The following OLA1 variants were observed in gnomAD, a reference collection of about 807,000 sequenced individuals.
OLA1 encodes obg-like ATPase 1.
In OLA1, 14 loss-of-function variants were observed where a neutral mutation model predicts 48.4. The ratio of observed to expected loss-of-function variants is 0.29; its 90% CI spans 0.19 to 0.45. The LOEUF (loss-of-function observed/expected upper bound fraction) is 0.45. OLA1 is among the 20% of genes least tolerant of loss of function. The pLI is 1.00. For synonymous variants in OLA1, 127 were observed against 150.4 expected (o/e 0.84, Z 1.14); for missense variants, 325 against 467.1 (o/e 0.70, Z 2.80).
intron 4 of OLA1, among the ~76,000 whole-genome samples, chr2:174,178,436 T>TAA (rs2105411655): frequency 6.6e-6 from 1 of 152,056 alleles, no homozygotes; most frequent in South Asian, 2.1e-4. Flanking sequence ...AGGAACACTA[T>TAA]AAATAATCAC....
chr2:174,237,765 A>T (rs560291363), intron 2 of OLA1, among the ~76,000 whole-genome samples: 13 of 152,316 alleles, frequency 8.5e-5, no homozygotes, highest in Non-Finnish European at 1.0e-4. Context: ...AAAAACAAAC[A>T]AACAAAAATT....
chr2:174,177,494 C>T (rs751011986), intron 4 of OLA1, among the ~76,000 whole-genome samples: 1 of 152,088 alleles, frequency 6.6e-6, no homozygotes, highest in Admixed American at 6.6e-5. Flanking sequence ...GAAAACATAC[C>T]ATGTGCCATT....
chr2:174,244,756 C>G (rs780696009), intron 2 of OLA1, among the ~76,000 whole-genome samples: 5 of 152,070 alleles, frequency 3.3e-5, no homozygotes, highest in African/African-American at 4.8e-5. Flanking sequence ...TCCCGAGTAT[C>G]TGGAATTACA....
chr2:174,082,852 A>G (rs1320510611), intron 7 of OLA1, among the ~76,000 whole-genome samples: 1 of 152,112 alleles, frequency 6.6e-6, no homozygotes, highest in Non-Finnish European at 1.5e-5. Context: ...TAGAACATAA[A>G]TGAAATAAGT....
intron 5 of OLA1, among the ~76,000 whole-genome samples, chr2:174,140,498 G>A (rs1389322469): frequency 6.6e-6 from 1 of 151,902 alleles, no homozygotes. Context: ...CTCCTCAGTA[G>A]GTGAGATTAC....
chr2:174,107,911 GGT>G (rs1558957061), intron 7 of OLA1, among the ~76,000 whole-genome samples: 1 of 151,966 alleles, frequency 6.6e-6, no homozygotes, highest in Non-Finnish European at 1.5e-5. Context: ...AAAAAAGGGA[GGT>G]GTTTTAAAGA....
intron 4 of OLA1, among the ~76,000 whole-genome samples, chr2:174,215,654 T>C (rs1306838181): frequency 6.6e-6 from 1 of 152,208 alleles, no homozygotes; most frequent in Non-Finnish European, 1.5e-5. Flanking sequence ...TACAACTCTA[T>C]TATAAAAAGT....
chr2:174,126,387 T>A (rs532411501), intron 5 of OLA1, among the ~76,000 whole-genome samples: 1 of 152,284 alleles, frequency 6.6e-6, no homozygotes, highest in Admixed American at 6.5e-5. Flanking sequence ...GGTTCCATAT[T>A]TCTTTACTAT....
At chr2:174,110,638 G>T (rs898692418) in intron 7 of OLA1, among the ~76,000 whole-genome samples, 1 of 151,856 alleles carries the variant, frequency 6.6e-6, no homozygotes, top group Non-Finnish European at 1.5e-5. Context: ...GTAGAGGCAG[G>T]GTCCCACTAT....
chr2:174,115,704 A>G (rs923216758), intron 7 of OLA1, among the ~76,000 whole-genome samples: 1 of 152,078 alleles, frequency 6.6e-6, no homozygotes, highest in Admixed American at 6.6e-5. Context: ...GCTACCTCAG[A>G]GCCTTTGTAC....
chr2:174,149,174 A>T lies in OLA1; in HGVS notation c.374-7174T>A, dbSNP rs142682443. ...AGCTAACAAACTGATCTTAGAAAGG[A>T]CATCAGTGATTTGCCTTAATGATTT... On this transcript the variant is annotated intron_variant, in intron 4 of 10. Coordinates refer to ENST00000284719, the MANE Select transcript of OLA1 (RefSeq NM_013341.5). Among the ~76,000 whole-genome samples, 7 of 152,334 alleles carry T rather than the reference A, an allele frequency of 4.6e-5. No homozygotes were observed. The East Asian group carries it at 1.4e-3, about 29-fold the overall frequency.
chr2:174,129,185 G>A (rs773808588), intron 5 of OLA1, among the ~76,000 whole-genome samples: 13 of 152,160 alleles, frequency 8.5e-5, no homozygotes, highest in East Asian at 1.9e-4. Flanking sequence ...GGAGCTGGGC[G>A]CAGTGGCTCA....
At chr2:174,231,666 A>G (rs1688731652) in intron 2 of OLA1, among the ~76,000 whole-genome samples, 1 of 152,244 alleles carries the variant, frequency 6.6e-6, no homozygotes, top group Non-Finnish European at 1.5e-5. Flanking sequence ...CTAAACTTAG[A>G]AGACAAATAT....
intron 4 of OLA1, among the ~76,000 whole-genome samples, chr2:174,184,456 T>C (rs1000599345): frequency 3.3e-5 from 5 of 152,156 alleles, no homozygotes; most frequent in African/African-American, 1.2e-4. Context: ...CAGTGAAGTA[T>C]GTCAAGGTTA....
At chr2:174,134,373 T>C (rs1419016585) in intron 5 of OLA1, among the ~76,000 whole-genome samples, 2 of 152,250 alleles carry the variant, frequency 1.3e-5, no homozygotes, top group Non-Finnish European at 2.9e-5. Flanking sequence ...ACGTACACTT[T>C]GTGTAATTAT....
rs527345576 is a variant in OLA1, at chr2:174,243,380, G to A, written c.101+3335C>T. 3.3e-5 allele frequency among the ~76,000 whole-genome samples: 5 copies of A among 152,314 alleles called. No individual in the cohort carries two copies. The South Asian group carries it at 1.0e-3, about 32-fold the overall frequency. ...GGAGATTTAGGCTGCAGTGAGCCAT[G>A]ATCATGCCACCGCACTCCAGCCTGG... is the stretch of plus-strand genomic sequence containing the variant. On this transcript the variant is annotated intron_variant, in intron 2 of 10. Transcript: ENST00000284719.
intron 4 of OLA1, among the ~76,000 whole-genome samples, chr2:174,153,571 C>CTTAACAGTTA (rs112613214): frequency 7.9e-5 from 12 of 151,700 alleles, no homozygotes; most frequent in African/African-American, 2.7e-4. Flanking sequence ...GAAAATTCTG[C>CTTAACAGTTA]CTGGTATTTT....
intron 4 of OLA1, among the ~76,000 whole-genome samples, chr2:174,218,120 G>A (rs201120387): frequency 1.3e-5 from 2 of 151,812 alleles, no homozygotes; most frequent in Non-Finnish European, 2.9e-5. Flanking sequence ...AACAATCCTC[G>A]GGCCTCAGCC....
intron 4 of OLA1, among the ~76,000 whole-genome samples, chr2:174,147,813 A>ATTGT (rs1224916720): frequency 6.7e-6 from 1 of 149,780 alleles, no homozygotes; most frequent in African/African-American, 2.4e-5. Flanking sequence ...AGTCTTTTTT[A>ATTGT]TTGTTTGTTT....
Sources: gnomAD v4.1 joint callset for allele counts (sites outside exome capture counted in the v4.1 genomes callset) on GRCh38, gnomAD v4.1.1 for gene constraint, MANE v1.5 for transcripts, NCBI Gene and HGNC (gene_info 2026-07-23, HGNC 2026-07-21) for gene names.